Variants in DPP4 observed in about 807,000 individuals in gnomAD.
The protein encoded by DPP4 is ADCP-2.
DPP4 carries 93 observed loss-of-function variants against 122.4 expected under a neutral mutation model. That is an observed-to-expected ratio of 0.76 (90% confidence interval 0.64 to 0.90). The LOEUF is 0.90. Ranked by LOEUF, DPP4 falls within the 40% of genes least tolerant of loss-of-function variation. DPP4 has a pLI of 0.00. For missense variants in DPP4, 914 were observed against 907.3 expected (o/e 1.01, Z -0.09); for synonymous variants, 321 against 302.9 (o/e 1.06, Z -0.62).
chr2:162,022,809 G>T lies in DPP4; in HGVS notation c.1024-10C>A. Reference sequence around the variant, plus strand: ...CAATGTGTTGCCGTGCCTAGGAAGGGAAAGAGACAATGACAGCATTTCAAA... The same window carrying T: ...CAATGTGTTGCCGTGCCTAGGAAGGTAAAGAGACAATGACAGCATTTCAAA... On this transcript the variant is annotated splice_polypyrimidine_tract_variant and intron_variant, in intron 11 of 25. Coordinates refer to ENST00000360534, the MANE Select transcript of DPP4 (RefSeq NM_001935.4). The T allele has an allele frequency of 6.2e-7, 1 of 1,613,874 alleles. No homozygotes were observed. Among genetic ancestry groups the T allele is most frequent in the Non-Finnish European group, 8.5e-7 (1 of 1,179,954 alleles).
chr2:162,059,432 G>C (rs1684687021), intron 2 of DPP4, among the ~76,000 whole-genome samples: 1 of 152,216 alleles, frequency 6.6e-6, no homozygotes, highest in Non-Finnish European at 1.5e-5. Context: ...AAGTTCTTAA[G>C]TGTATGACTA....
At chr2:162,005,894 A>G in intron 22 of DPP4, 85 bp from the exon 23 acceptor site, 1 of 1,010,662 alleles carries the variant, frequency 9.9e-7, no homozygotes, top group South Asian at 1.4e-5. Context: ...CAGTGTTTCC[A>G]TATGTATTCA....
At chr2:162,009,960 T>A (rs117705573) in intron 20 of DPP4, among the ~76,000 whole-genome samples, 1,643 of 126,722 alleles carry the variant, frequency 0.013, 17 homozygotes, top group East Asian at 0.069. Flanking sequence ...AATATTAGCC[T>A]GACATCAAAA....
At chr2:162,034,383 CT>C (rs557279140) in intron 9 of DPP4, among the ~76,000 whole-genome samples, 4 of 151,422 alleles carry the variant, frequency 2.6e-5, no homozygotes, top group African/African-American at 7.3e-5. Flanking sequence ...AGTCTCTGAT[CT>C]TTTTTTTTCT....
chr2:162,056,544 T>C (rs1265125245), intron 2 of DPP4, among the ~76,000 whole-genome samples: 1 of 152,202 alleles, frequency 6.6e-6, no homozygotes, highest in African/African-American at 2.4e-5. Flanking sequence ...CTAAACTAAC[T>C]GACTCCATCT....
intron 12 of DPP4, among the ~76,000 whole-genome samples, chr2:162,021,281 T>A (rs1576044919): frequency 6.6e-6 from 1 of 152,326 alleles, no homozygotes; most frequent in South Asian, 2.1e-4. Flanking sequence ...GCCTTTTCAT[T>A]TTGTTAAATA....
intron 23 of DPP4, among the ~76,000 whole-genome samples, chr2:162,004,534 G>A (rs1243042470): frequency 6.6e-6 from 1 of 151,806 alleles, no homozygotes; most frequent in Non-Finnish European, 1.5e-5. Context: ...AAACAGACAT[G>A]AAAACCGTCA....
At chr2:162,022,718 G>T in intron 12 of DPP4, 37 bp downstream of exon 12, 1 of 1,604,728 alleles carries the variant, frequency 6.2e-7, no homozygotes, top group South Asian at 1.1e-5. Flanking sequence ...CTGAGTAGCT[G>T]ACTCATCCAT....
At chr2:162,039,629 GT>G (rs975444244) in intron 5 of DPP4, among the ~76,000 whole-genome samples, 4 of 152,056 alleles carry the variant, frequency 2.6e-5, no homozygotes, top group Non-Finnish European at 4.4e-5. Context: ...GTGTTATAAA[GT>G]TTTTGGAAGC....
At chr2:162,071,419 A>G (rs2268885) in intron 2 of DPP4, among the ~76,000 whole-genome samples, 2,653 of 152,274 alleles carry the variant, frequency 0.017, 39 homozygotes, top group South Asian at 0.038. Flanking sequence ...CAAAGTGGGC[A>G]GATCATGAGG....
At chr2:162,066,866 G>A (rs530480676) in intron 2 of DPP4, among the ~76,000 whole-genome samples, 26 of 152,230 alleles carry the variant, frequency 1.7e-4, no homozygotes, top group Admixed American at 1.3e-3. Flanking sequence ...CAGCTGTTAC[G>A]GAAACGAATA....
Position 162,074,169 on chromosome 2 carries a change from C to T in DPP4, c.-188G>A. On this transcript the variant is annotated 5_prime_UTR_variant, in exon 1 of 26. Coordinates refer to ENST00000360534, the MANE Select transcript of DPP4 (RefSeq NM_001935.4). ...TGGGTATAAAGGCGCCGCGGGCAGG[C>T]TGCAGGGCAGGCGGCGCGGGAGCAG... The T allele has an allele frequency of 7.8e-7, 1 of 1,275,140 alleles. No individual in the cohort carries two copies. The highest frequency in any genetic ancestry group is 9.9e-7 in the Non-Finnish European group (1 of 1,012,594). 79.0% of individuals were successfully genotyped at this position (1,275,140 alleles called of 1,614,324 possible).
At chr2:162,026,474 T>C (rs1178312297) in intron 10 of DPP4, among the ~76,000 whole-genome samples, 1 of 152,186 alleles carries the variant, frequency 6.6e-6, no homozygotes, top group Admixed American at 6.5e-5. Context: ...GAACACACCA[T>C]GAGTTTCCCC....
intron 8 of DPP4, among the ~76,000 whole-genome samples, chr2:162,037,955 C>T (rs1683838324): frequency 1.3e-5 from 2 of 152,094 alleles, no homozygotes; most frequent in Admixed American, 6.6e-5. Flanking sequence ...TCCTTAGTAA[C>T]TTTCGGGTTA....
Position 162,025,039 on chromosome 2 carries a change from A to G in DPP4, c.888-100T>C, listed in dbSNP as rs188607110. 1.1e-4 allele frequency: 143 copies of G among 1,292,404 alleles called. No homozygotes were observed. The African/African-American group carries it at 1.9e-3, about 17-fold the overall frequency. The allele number at this position is 1,292,404 out of a possible 1,614,324, so 80.1% of individuals were successfully genotyped here. A position where few individuals can be genotyped will look rare whatever the true frequency, so the allele number is the denominator to read the frequency against. On this transcript the variant is annotated intron_variant, in intron 10 of 25. Transcript: ENST00000360534. ...CATTTTACTCAGTGAAAAGAAATCA[A>G]TCTTAATGGGAAGTAGAATTATAAA...
chr2:162,071,572 G>A (rs1379047829), intron 2 of DPP4, among the ~76,000 whole-genome samples: 1 of 152,152 alleles, frequency 6.6e-6, no homozygotes, highest in East Asian at 1.9e-4. Context: ...AACCCGGGAG[G>A]GGGAGACTTT....
chr2:162,072,465 G>T (rs933720116), intron 2 of DPP4, among the ~76,000 whole-genome samples: 1 of 152,182 alleles, frequency 6.6e-6, no homozygotes, highest in Non-Finnish European at 1.5e-5. Context: ...GGTTTTCATA[G>T]CTCTACAATC....
chr2:161,996,876 G>C (rs1701019240), intron 23 of DPP4, among the ~76,000 whole-genome samples: 1 of 152,102 alleles, frequency 6.6e-6, no homozygotes, highest in South Asian at 2.1e-4. Flanking sequence ...ATCCACTGGG[G>C]GTCTTGGAAT....
chr2:162,020,458 G>A (rs1053126154), intron 13 of DPP4, 123 bp downstream of exon 13: 1 of 971,238 alleles, frequency 1.0e-6, no homozygotes, highest in Non-Finnish European at 1.5e-6. Flanking sequence ...ACACCACTGA[G>A]GAGTTTAAAT....
Sources: gnomAD v4.1 joint callset for allele counts (sites outside exome capture counted in the v4.1 genomes callset) on GRCh38, gnomAD v4.1.1 for gene constraint, MANE v1.5 for transcripts, NCBI Gene and HGNC (gene_info 2026-07-23, HGNC 2026-07-21) for gene names.